The following TTC28 variants were observed in gnomAD, a reference collection of about 807,000 sequenced individuals.
TTC28 encodes tetratricopeptide repeat domain 28, also known as tetratricopeptide repeat protein 28.
A neutral mutation model predicts 198.0 loss-of-function variants in TTC28; 61 were observed. That is an observed-to-expected ratio of 0.31 (90% CI 0.25 to 0.38). The LOEUF (loss-of-function observed/expected upper bound fraction) is 0.38. Among genes scored for constraint, TTC28 ranks in the 10% least tolerant of loss-of-function variants. TTC28 has a pLI of 1.00. For synonymous variants in TTC28, 1,171 were observed against 1,297.8 expected (o/e 0.90, Z 2.10); for missense variants, 2,678 against 3,164.0 (o/e 0.85, Z 3.69).
At chr22:28,400,269 C>T (rs1158222458) in intron 2 of TTC28, among the ~76,000 whole-genome samples, 4 of 152,150 alleles carry the variant, frequency 2.6e-5, no homozygotes, top group African/African-American at 7.2e-5. Flanking sequence ...CTCTGTCTGC[C>T]GTGCCAGGTA....
intron 6 of TTC28, among the ~76,000 whole-genome samples, chr22:28,123,938 A>G (rs1453177144): frequency 6.6e-6 from 1 of 152,128 alleles, no homozygotes; most frequent in Admixed American, 6.5e-5. Flanking sequence ...AGCTGAGATC[A>G]CACCACTGCA....
chr22:28,655,454 C>T (rs2051630011), intron 1 of TTC28, among the ~76,000 whole-genome samples: 1 of 152,162 alleles, frequency 6.6e-6, no homozygotes, highest in Non-Finnish European at 1.5e-5. Context: ...TTTCTATGAA[C>T]TTTATGGTAG....
intron 17 of TTC28, among the ~76,000 whole-genome samples, chr22:27,994,202 G>T (rs948536878): frequency 1.1e-4 from 17 of 152,112 alleles, no homozygotes; most frequent in Admixed American, 2.6e-4. Flanking sequence ...CTAACACTTT[G>T]GGAGGCCAAG....
At chr22:28,333,763 T>C (rs961740716) in intron 2 of TTC28, among the ~76,000 whole-genome samples, 1 of 152,120 alleles carries the variant, frequency 6.6e-6, no homozygotes, top group African/African-American at 2.4e-5. Context: ...TTAATTATGG[T>C]GAAAAAAGTT....
At position 27,990,694 on chromosome 22, in the gene TTC28, G is replaced by A. The variant is rs775494434; in HGVS notation, c.5577+95C>T. ...CCCGTGTGGCTCCGTTTGACAGCAC[G>A]TGCACCCCGAGCTCAGAGCCTGCCC... On this transcript the variant is annotated intron_variant, in intron 20 of 22. Transcript: ENST00000397906. The A allele has an allele frequency of 1.7e-4, 211 of 1,268,356 alleles. 1 individual carries two copies. The highest frequency in any genetic ancestry group is 2.5e-4 in the Middle Eastern group (1 of 3,942). The allele number at this position is 1,268,356 out of a possible 1,614,324, so 78.6% of individuals were successfully genotyped here.
chr22:28,562,181 A>C (rs1320213265), intron 2 of TTC28, among the ~76,000 whole-genome samples: 1 of 152,258 alleles, frequency 6.6e-6, no homozygotes, highest in East Asian at 1.9e-4. Context: ...CATGGAAAAC[A>C]AAATTATGTA....
chr22:28,082,245 C>T (rs1941393991), intron 12 of TTC28, among the ~76,000 whole-genome samples: 1 of 151,980 alleles, frequency 6.6e-6, no homozygotes, highest in African/African-American at 2.4e-5. Flanking sequence ...TATTTATTTC[C>T]CTTCCTTATT....
chr22:28,274,922 T>G (rs1343617355), intron 5 of TTC28, among the ~76,000 whole-genome samples: 2 of 134,192 alleles, frequency 1.5e-5, no homozygotes, highest in African/African-American at 2.8e-5. Flanking sequence ...GAGGTTGCAG[T>G]GAGCTGAGAT....
At chr22:28,256,864 T>A (rs1930964615) in intron 5 of TTC28, among the ~76,000 whole-genome samples, 3 of 152,078 alleles carry the variant, frequency 2.0e-5, no homozygotes, top group African/African-American at 7.2e-5. Flanking sequence ...CAGAGCAAGA[T>A]GCCATCTCTA....
intron 5 of TTC28, among the ~76,000 whole-genome samples, chr22:28,225,033 A>C (rs1038726699): frequency 6.6e-6 from 1 of 152,122 alleles, no homozygotes; most frequent in Admixed American, 6.5e-5. Context: ...GCTATCCATT[A>C]ACAATCAAAT....
At chr22:28,047,504 C>G (rs1030786536) in intron 12 of TTC28, among the ~76,000 whole-genome samples, 3 of 152,176 alleles carry the variant, frequency 2.0e-5, no homozygotes, top group African/African-American at 7.2e-5. Flanking sequence ...AGAAAGGCAC[C>G]TACCTGGGTC....
intron 12 of TTC28, among the ~76,000 whole-genome samples, chr22:28,089,659 TATAATA>T (rs1224924948): frequency 7.2e-6 from 1 of 138,226 alleles, no homozygotes; most frequent in Admixed American, 7.3e-5. Flanking sequence ...AAACTTAAAG[TATAATA>T]ATAATAAAAT....
At chr22:28,281,441 T>A (rs1036134858) in intron 5 of TTC28, among the ~76,000 whole-genome samples, 6 of 152,152 alleles carry the variant, frequency 3.9e-5, no homozygotes, top group Non-Finnish European at 8.8e-5. Flanking sequence ...TATTTTCTTA[T>A]AGTTTCTATT....
At chr22:28,287,392 A>C (rs567759763) in intron 5 of TTC28, among the ~76,000 whole-genome samples, 1 of 152,322 alleles carries the variant, frequency 6.6e-6, no homozygotes, top group African/African-American at 2.4e-5. Context: ...CATTTTCTTA[A>C]ACAAGACACA....
intron 20 of TTC28, 101 bp downstream of exon 20, chr22:27,990,688 C>G: frequency 2.5e-6 from 3 of 1,191,730 alleles, no homozygotes; most frequent in South Asian, 3.0e-5. Flanking sequence ...CTCCGTTTGA[C>G]AGCACGTGCA....
chr22:28,225,670 G>T (rs1007595649), intron 5 of TTC28, among the ~76,000 whole-genome samples: 3 of 152,206 alleles, frequency 2.0e-5, no homozygotes, highest in African/African-American at 7.2e-5. Flanking sequence ...TGTACAACTT[G>T]TAAGCTCTGA....
At chr22:28,552,780 C>CCCCTCT (rs201313044) in intron 2 of TTC28, among the ~76,000 whole-genome samples, 13 of 147,646 alleles carry the variant, frequency 8.8e-5, no homozygotes, top group South Asian at 2.2e-4. Context: ...CCTCCCCCTC[C>CCCCTCT]CCCTCTCCCC....
At chr22:28,358,862 T>A (rs561751184) in intron 2 of TTC28, among the ~76,000 whole-genome samples, 5 of 152,144 alleles carry the variant, frequency 3.3e-5, no homozygotes, top group Non-Finnish European at 7.4e-5. Flanking sequence ...CAGTTTCCAA[T>A]GGGTTCTTAT....
intron 13 of TTC28, 86 bp downstream of exon 13, chr22:28,030,140 T>C (rs2073029): frequency 0.17 from 247,729 of 1,495,460 alleles, 22,787 homozygotes; most frequent in East Asian, 0.36. Context: ...CCTAACCAGC[T>C]GGAAGGAGCA....
Sources: gnomAD v4.1 joint callset for allele counts (sites outside exome capture counted in the v4.1 genomes callset) on GRCh38, gnomAD v4.1.1 for gene constraint, MANE v1.5 for transcripts, NCBI Gene and HGNC (gene_info 2026-07-23, HGNC 2026-07-21) for gene names.